The following RASA1 variants were observed in gnomAD, a reference collection of about 807,000 sequenced individuals.
RASA1 encodes the protein RAS p21 protein activator 1.
RASA1 carries 25 observed loss-of-function variants against 132.2 expected under a neutral mutation model. That is an observed-to-expected ratio of 0.19 (90% confidence interval 0.14 to 0.26). The LOEUF (loss-of-function observed/expected upper bound fraction) is 0.26. Among genes scored for constraint, RASA1 ranks in the 10% least tolerant of loss-of-function variants. RASA1 has a pLI of 1.00. For synonymous variants in RASA1, 477 were observed against 449.9 expected (o/e 1.06, Z -0.76); for missense variants, 964 against 1,299.2 (o/e 0.74, Z 3.97).
rs779967471 is a variant in RASA1, at chr5:87,332,622, T to C, written c.808T>C (p.Tyr270His). The C allele has an allele frequency of 8.7e-6, 14 of 1,611,026 alleles. No individual in the cohort carries two copies. The highest frequency in any genetic ancestry group is 9.3e-6 in the Non-Finnish European group (11 of 1,177,768). ...TTTGCTTAAAGGAGAAAAATTACTTTACCCAGTTGCACCACCAGAGGCAAG... is the reference window on the plus strand; with the variant it reads ...TTTGCTTAAAGGAGAAAAATTACTTCACCCAGTTGCACCACCAGAGGCAAG... Reference protein sequence around the residue: ...SCLLKGEKLLYPVAPPEPVED... With the variant: ...SCLLKGEKLLHPVAPPEPVED... Residue 270 changes from tyrosine to histidine, a missense_variant, in exon 3 of 25, where the codon TAC becomes CAC. Tyr to His is a moderately conservative substitution (Grantham distance 83). This residue lies in a region of RASA1 where 154 missense variants were observed against 286.5 expected (regional missense o/e 0.54). Coordinates refer to ENST00000274376, the MANE Select transcript of RASA1 (RefSeq NM_002890.3).
intron 1 of RASA1, among the ~76,000 whole-genome samples, chr5:87,271,391 T>C (rs1580182622): frequency 6.6e-6 from 1 of 151,424 alleles, no homozygotes; most frequent in Non-Finnish European, 1.5e-5. Context: ...TATGCTAGTT[T>C]ATAACTAAAT....
Position 87,268,838 on chromosome 5 carries a change from G to C in RASA1, c.387G>C (p.Gly129=). The C allele has an allele frequency of 1.2e-6, 2 of 1,614,124 alleles. No homozygotes were observed. The highest frequency in any genetic ancestry group is 1.6e-4 in the Middle Eastern group (1 of 6,062). The part of the protein sequence containing the change: ...LPTSLLAETL[G]PGGGFPPLPP... Reference sequence around the variant, plus strand: ...CTTCGTTGCTTGCTGAGACTCTCGGGCCAGGCGGCGGTTTTCCCCCTCTGC... The same window carrying C: ...CTTCGTTGCTTGCTGAGACTCTCGGCCCAGGCGGCGGTTTTCCCCCTCTGC... The change falls in exon 1 of 25, where the codon GGG becomes GGC. Residue 129 remains glycine (G), a synonymous_variant. Transcript: ENST00000274376.
chr5:87,320,285 A>T (rs1007520984), intron 1 of RASA1, among the ~76,000 whole-genome samples: 1 of 152,124 alleles, frequency 6.6e-6, no homozygotes, highest in African/African-American at 2.4e-5. Context: ...TCTGCCTATT[A>T]CCCAGTTCCA....
At chr5:87,339,370 C>T (rs187141947) in intron 5 of RASA1, among the ~76,000 whole-genome samples, 3 of 152,232 alleles carry the variant, frequency 2.0e-5, no homozygotes, top group Admixed American at 1.3e-4. Flanking sequence ...CTGTATTCTA[C>T]AGTAAAAGAG....
chr5:87,270,021 C>T (rs1753753273), intron 1 of RASA1, among the ~76,000 whole-genome samples: 1 of 152,032 alleles, frequency 6.6e-6, no homozygotes, highest in Non-Finnish European at 1.5e-5. Flanking sequence ...GTGGGCGGAT[C>T]ACCTGAGGTC....
At chr5:87,385,433 G>T (rs994219526) in intron 22 of RASA1, 44 bp downstream of exon 22, 2 of 1,399,692 alleles carry the variant, frequency 1.4e-6, no homozygotes, top group Non-Finnish European at 2.0e-6. Flanking sequence ...ATGAATGCAA[G>T]TTTGACATGA....
At chr5:87,306,850 G>A (rs184962371) in intron 1 of RASA1, among the ~76,000 whole-genome samples, 1 of 151,720 alleles carries the variant, frequency 6.6e-6, no homozygotes, top group Non-Finnish European at 1.5e-5. Flanking sequence ...GTATGTCTGC[G>A]TACCCTCCGC....
intron 12 of RASA1, among the ~76,000 whole-genome samples, chr5:87,371,569 T>C (rs557282904): frequency 6.6e-6 from 1 of 152,304 alleles, no homozygotes; most frequent in African/African-American, 2.4e-5. Flanking sequence ...TTTTAAAATC[T>C]AATGTTATAT....
chr5:87,282,966 AT>A (rs200329414), intron 1 of RASA1, among the ~76,000 whole-genome samples: 1 of 151,818 alleles, frequency 6.6e-6, no homozygotes, highest in Non-Finnish European at 1.5e-5. Context: ...CGTACTCAGC[AT>A]TTTTTTTGTG....
intron 1 of RASA1, among the ~76,000 whole-genome samples, chr5:87,308,773 C>G (rs899914883): frequency 6.6e-6 from 1 of 152,130 alleles, no homozygotes; most frequent in African/African-American, 2.4e-5. Context: ...TTTAGATACA[C>G]AAATACCACT....
intron 1 of RASA1, among the ~76,000 whole-genome samples, chr5:87,284,669 C>T (rs374716795): frequency 1.3e-5 from 2 of 152,098 alleles, no homozygotes; most frequent in East Asian, 1.9e-4. Context: ...CATTTGTCAT[C>T]ATTAGTAATT....
Position 87,376,861 on chromosome 5 carries a change from C to CAA in RASA1, c.2185-20_2185-19insAA. 1 of 1,575,244 alleles carries CAA rather than the reference C, an allele frequency of 6.3e-7. No homozygotes were observed. Among genetic ancestry groups the CAA allele is most frequent in the Non-Finnish European group, 8.7e-7 (1 of 1,144,736 alleles). ...TATAATGCTACGTACTTTAAACAAT[C>CAA]TTTTAAAATGTCATTTTAGCTTATA... is the stretch of plus-strand genomic sequence containing the variant. On this transcript the variant is annotated intron_variant, in intron 16 of 24. Coordinates refer to ENST00000274376, the MANE Select transcript of RASA1 (RefSeq NM_002890.3).
rs191446399 is a variant in RASA1, at chr5:87,287,644, A to G, written c.539+18654A>G. Among the ~76,000 whole-genome samples the G allele has an allele frequency of 2.5e-4, 37 of 145,458 alleles. No homozygotes were observed. In the East Asian group the frequency reaches 4.9e-3, roughly 19 times the overall value. Reference sequence around the variant, plus strand: ...TACATATACACGCCATAGATATACCATATATATACACGCCATAGATATACA... The same window carrying G: ...TACATATACACGCCATAGATATACCGTATATATACACGCCATAGATATACA... On this transcript the variant is annotated intron_variant, in intron 1 of 24. Coordinates refer to ENST00000274376, the MANE Select transcript of RASA1 (RefSeq NM_002890.3).
chr5:87,386,328 T>TA (rs1045947391), intron 22 of RASA1, among the ~76,000 whole-genome samples: 26 of 152,108 alleles, frequency 1.7e-4, no homozygotes, highest in African/African-American at 6.3e-4. Flanking sequence ...AGCAGTTAAC[T>TA]ACGTGTATGG....
At chr5:87,338,501 TTATATATATA>T (rs3069490) in intron 5 of RASA1, among the ~76,000 whole-genome samples, 2,661 of 75,664 alleles carry the variant, frequency 0.035, 116 homozygotes, top group Non-Finnish European at 0.053. Flanking sequence ...CCAGCTAATT[TTATATATATA>T]TATATATATA....
intron 20 of RASA1, among the ~76,000 whole-genome samples, chr5:87,382,541 G>A (rs957436504): frequency 2.6e-5 from 4 of 152,108 alleles, no homozygotes; most frequent in African/African-American, 7.2e-5. Flanking sequence ...CAAGTAAGAG[G>A]TTAATTATTA....
intron 2 of RASA1, 117 bp downstream of exon 2, chr5:87,331,617 T>C: frequency 7.9e-6 from 9 of 1,133,282 alleles, no homozygotes; most frequent in Non-Finnish European, 1.0e-5. Flanking sequence ...AGAAGGAAGC[T>C]TGTTTTCAGT....
chr5:87,324,528 G>A (rs556358750), intron 1 of RASA1, among the ~76,000 whole-genome samples: 1 of 152,206 alleles, frequency 6.6e-6, no homozygotes, highest in South Asian at 2.1e-4. Flanking sequence ...CTTTAGAAAT[G>A]CTCTCTCGAA....
chr5:87,336,432 T>C (rs1357375703), intron 4 of RASA1, among the ~76,000 whole-genome samples: 2 of 152,054 alleles, frequency 1.3e-5, no homozygotes, highest in Non-Finnish European at 2.9e-5. Context: ...TGATATAAAT[T>C]TGGATTTATG....
Sources: allele counts gnomAD v4.1 joint callset (sites outside exome capture counted in the v4.1 genomes callset), GRCh38; gene constraint gnomAD v4.1.1; regional missense constraint gnomAD v4.1.1; transcripts MANE v1.5; gene names NCBI Gene and HGNC (gene_info 2026-07-23, HGNC 2026-07-21).